Variants in STK3 observed in about 807,000 individuals in gnomAD.
The protein encoded by STK3 is serine/threonine-protein kinase 3.
Under a neutral mutation model 58.0 loss-of-function variants are expected in STK3, and 41 were observed. That is an observed-to-expected ratio of 0.71 (90% CI 0.55 to 0.92). STK3 has a LOEUF of 0.92. Among genes scored for constraint, STK3 ranks in the 40% least tolerant of loss-of-function variants. The pLI is 0.00. For synonymous variants in STK3, 170 were observed against 191.0 expected (o/e 0.89, Z 0.91); for missense variants, 479 against 602.7 (o/e 0.79, Z 2.15).
At chr8:98,708,828 A>T (rs575486608) in intron 4 of STK3, among the ~76,000 whole-genome samples, 6 of 152,106 alleles carry the variant, frequency 3.9e-5, no homozygotes, top group Admixed American at 3.3e-4. Context: ...TCACCCTCTC[A>T]CAAGAGTGAG....
At chr8:98,855,016 C>T (rs1836616986) in intron 3 of STK3, among the ~76,000 whole-genome samples, 1 of 152,146 alleles carries the variant, frequency 6.6e-6, no homozygotes, top group Non-Finnish European at 1.5e-5. Context: ...GAGATTACGC[C>T]ACTGCATTCC....
chr8:98,567,566 A>G (rs986668327), intron 8 of STK3, among the ~76,000 whole-genome samples: 1 of 152,182 alleles, frequency 6.6e-6, no homozygotes, highest in African/African-American at 2.4e-5. Flanking sequence ...ATTCCTTGTA[A>G]TGCTACCTTA....
intron 6 of STK3, among the ~76,000 whole-genome samples, chr8:98,639,137 T>C (rs1025129967): frequency 6.7e-6 from 1 of 148,442 alleles, no homozygotes; most frequent in African/African-American, 2.5e-5. Context: ...TTGAGCAAGG[T>C]CTTATTCTGT....
chr8:98,706,644 T>C lies in STK3; in HGVS notation c.517-10A>G, dbSNP rs770335679. The C allele has an allele frequency of 2.5e-6, 4 of 1,571,406 alleles. No individual in the cohort carries two copies. The highest frequency in any genetic ancestry group is 1.4e-5 in the African/African-American group (1 of 73,098). Reference sequence around the variant, plus strand: ...GTTTTGCCATTGTATCCTGCAATAATGTTACATAGCCATAAATGCTACTAC... The same window carrying C: ...GTTTTGCCATTGTATCCTGCAATAACGTTACATAGCCATAAATGCTACTAC... On this transcript the variant is annotated splice_polypyrimidine_tract_variant and intron_variant, in intron 5 of 10. Transcript: ENST00000419617.
At chr8:98,725,878 T>C (rs1827763130) in intron 4 of STK3, among the ~76,000 whole-genome samples, 1 of 152,186 alleles carries the variant, frequency 6.6e-6, no homozygotes, top group South Asian at 2.1e-4. Flanking sequence ...AGTAATATGA[T>C]ATTAGATCAA....
chr8:98,506,469 G>A (rs867524378), intron 10 of STK3, among the ~76,000 whole-genome samples: 64 of 152,282 alleles, frequency 4.2e-4, no homozygotes, highest in African/African-American at 2.6e-4. Flanking sequence ...AGAAATCACC[G>A]TCTTCTGCGT....
At chr8:98,564,210 A>G (rs567239378) in intron 8 of STK3, among the ~76,000 whole-genome samples, 1 of 152,268 alleles carries the variant, frequency 6.6e-6, no homozygotes, top group Admixed American at 6.5e-5. Flanking sequence ...GACATTCTAC[A>G]AAATGTCTAA....
intron 2 of STK3, among the ~76,000 whole-genome samples, chr8:98,375,271 CAAAAAAAAACAA>C (rs1817661570): frequency 7.2e-6 from 1 of 138,290 alleles, no homozygotes; most frequent in South Asian, 2.2e-4. Flanking sequence ...AAAAAAAAAA[CAAAAAAAAACAA>C]AAAAAAAAAC....
intron 1 of STK3, among the ~76,000 whole-genome samples, chr8:98,385,567 C>T (rs1166244591): frequency 1.3e-5 from 2 of 152,056 alleles, no homozygotes. Context: ...GGAAGGAGGG[C>T]GTCTCAGCTG....
At chr8:98,362,989 GTCTC>G in the STK3 span, among the ~76,000 whole-genome samples, 2 of 152,150 alleles carry the variant, frequency 1.3e-5, no homozygotes, top group Non-Finnish European at 1.5e-5. Context: ...ATCATTATCA[GTCTC>G]TCTCTCACAC....
At chr8:98,910,744 C>T (rs970286604) in intron 1 of STK3, among the ~76,000 whole-genome samples, 2 of 152,192 alleles carry the variant, frequency 1.3e-5, no homozygotes, top group Non-Finnish European at 1.5e-5. Flanking sequence ...AAGTGTTTAA[C>T]ACAGTCTACG....
intron 1 of STK3, among the ~76,000 whole-genome samples, chr8:98,891,167 C>T (rs1343437132): frequency 6.6e-6 from 1 of 152,224 alleles, no homozygotes; most frequent in Non-Finnish European, 1.5e-5. Flanking sequence ...CCACGTGCTG[C>T]GCCTTTTGCA....
intron 4 of STK3, among the ~76,000 whole-genome samples, chr8:98,742,350 G>A (rs1317489383): frequency 6.9e-6 from 1 of 144,118 alleles, no homozygotes; most frequent in African/African-American, 2.6e-5. Flanking sequence ...CTGGCAAAAC[G>A]AATCCAGCAG....
the STK3 span, among the ~76,000 whole-genome samples, chr8:98,359,229 C>T: frequency 6.6e-6 from 1 of 151,010 alleles, no homozygotes; most frequent in Admixed American, 6.6e-5. Context: ...AAATGAGTGC[C>T]GGGCGCGGTG....
At chr8:98,346,011 G>C in the STK3 span, among the ~76,000 whole-genome samples, 1 of 152,040 alleles carries the variant, frequency 6.6e-6, no homozygotes, top group Non-Finnish European at 1.5e-5. Flanking sequence ...GTCCGGGCAT[G>C]GTGGGTGCTC....
intron 7 of STK3, among the ~76,000 whole-genome samples, chr8:98,587,395 T>G (rs201640876): frequency 0.11 from 16,512 of 152,052 alleles, 1,732 homozygotes; most frequent in East Asian, 0.43. Flanking sequence ...AGTTTCCATG[T>G]AGTTGAGTGG....
At chr8:98,747,107 A>G (rs1438154557) in intron 4 of STK3, among the ~76,000 whole-genome samples, 1 of 151,008 alleles carries the variant, frequency 6.6e-6, no homozygotes, top group Non-Finnish European at 1.5e-5. Flanking sequence ...AAAAAAAAAA[A>G]GACATTATCA....
At chr8:98,435,874 T>C (rs1000732672) in intron 2 of STK3, among the ~76,000 whole-genome samples, 4 of 152,128 alleles carry the variant, frequency 2.6e-5, no homozygotes, top group Non-Finnish European at 4.4e-5. Flanking sequence ...TAGCCTTGCT[T>C]TTCTCAGCTG....
chr8:98,483,612 T>C (rs1278691802), intron 10 of STK3, among the ~76,000 whole-genome samples: 1 of 152,198 alleles, frequency 6.6e-6, no homozygotes, highest in Non-Finnish European at 1.5e-5. Flanking sequence ...CTGCAGGAAA[T>C]TGATGTACAA....
Sources: gnomAD v4.1 joint callset for allele counts (sites outside exome capture counted in the v4.1 genomes callset) on GRCh38, gnomAD v4.1.1 for gene constraint, MANE v1.5 for transcripts, NCBI Gene and HGNC (gene_info 2026-07-23, HGNC 2026-07-21) for gene names.